The following ANAPC10 variants were observed in gnomAD, a reference collection of about 807,000 sequenced individuals.
ANAPC10 encodes anaphase-promoting complex subunit 10.
Under a neutral mutation model 22.0 loss-of-function variants are expected in ANAPC10, and 12 were observed. The observed-to-expected ratio is 0.55, with a 90% CI of 0.35 to 0.88. ANAPC10 has a LOEUF of 0.88. Ranked by LOEUF, ANAPC10 falls within the 40% of genes least tolerant of loss-of-function variation. The pLI is 0.01. For synonymous variants in ANAPC10, 65 were observed against 69.5 expected (o/e 0.94, Z 0.32); for missense variants, 188 against 220.9 (o/e 0.85, Z 0.94).
intron 3 of ANAPC10, among the ~76,000 whole-genome samples, chr4:145,065,394 T>C (rs1560900618): frequency 6.6e-6 from 1 of 152,060 alleles, no homozygotes; most frequent in Non-Finnish European, 1.5e-5. Context: ...TTTATCATCA[T>C]ATTGGAAAAT....
intron 2 of ANAPC10, among the ~76,000 whole-genome samples, chr4:145,084,765 T>A (rs1746617008): frequency 6.6e-6 from 1 of 152,128 alleles, no homozygotes; most frequent in Non-Finnish European, 1.5e-5. Flanking sequence ...ATATAGCAAG[T>A]CCAAATTGAG....
At chr4:145,034,543 A>ATATATG (rs4029448) in intron 4 of ANAPC10, among the ~76,000 whole-genome samples, 1 of 133,848 alleles carries the variant, frequency 7.5e-6, no homozygotes, top group Non-Finnish European at 1.5e-5. Context: ...ATATATATAT[A>ATATATG]TGTGTGTGTG....
intron 4 of ANAPC10, among the ~76,000 whole-genome samples, chr4:144,996,599 C>A (rs893053278): frequency 1.3e-5 from 2 of 152,106 alleles, no homozygotes; most frequent in Non-Finnish European, 2.9e-5. Context: ...CATCAAAGAC[C>A]GAAGGTAGAT....
intron 4 of ANAPC10, among the ~76,000 whole-genome samples, chr4:145,006,486 C>G (rs987580738): frequency 2.0e-5 from 3 of 152,060 alleles, no homozygotes; most frequent in African/African-American, 7.2e-5. Flanking sequence ...GAAAGAACAT[C>G]AGACCAGATG....
At position 145,097,492 on chromosome 4, in the gene ANAPC10, T is replaced by C. The variant is rs564709537; in HGVS notation, c.-13+628A>G. ...TCAAAATAGGTGCAATAGTTCTGCA[T>C]ACCGTTTCCTTGACACCTCCCATTG... is the stretch of plus-strand genomic sequence containing the variant. On this transcript the variant is annotated intron_variant, in intron 1 of 4. Coordinates refer to ENST00000507656, the MANE Select transcript of ANAPC10 (RefSeq NM_001256706.2). 7.1e-5 allele frequency: 91 copies of C among 1,287,248 alleles called. No individual in the cohort carries two copies. The Middle Eastern group carries it at 9.8e-4, about 14-fold the overall frequency. The allele number at this position is 1,287,248 out of a possible 1,614,324, so 79.7% of individuals were successfully genotyped here. A position where few individuals can be genotyped will look rare whatever the true frequency, so the allele number is the denominator to read the frequency against.
At chr4:145,008,112 T>C (rs1356374132) in intron 4 of ANAPC10, among the ~76,000 whole-genome samples, 4 of 152,136 alleles carry the variant, frequency 2.6e-5, no homozygotes, top group African/African-American at 7.2e-5. Flanking sequence ...CCTGGACACA[T>C]ACACCCTCCC....
chr4:145,090,959 G>A (rs191667386), intron 2 of ANAPC10, among the ~76,000 whole-genome samples: 11 of 152,254 alleles, frequency 7.2e-5, no homozygotes, highest in African/African-American at 2.4e-4. Context: ...TCTGACCCTA[G>A]AGAAGCAAAG....
chr4:145,057,078 G>A (rs1026311762), intron 4 of ANAPC10, among the ~76,000 whole-genome samples: 10 of 152,222 alleles, frequency 6.6e-5, no homozygotes, highest in East Asian at 5.8e-4. Context: ...GTTTAAGTAC[G>A]CATTAGCAGT....
intron 3 of ANAPC10, among the ~76,000 whole-genome samples, chr4:145,066,871 C>T (rs1389930763): frequency 6.6e-6 from 1 of 151,932 alleles, no homozygotes; most frequent in African/African-American, 2.4e-5. Context: ...GTCTGTCGAC[C>T]TCACATGATT....
chr4:145,018,853 G>A (rs765066363), intron 4 of ANAPC10, among the ~76,000 whole-genome samples: 3 of 152,016 alleles, frequency 2.0e-5, no homozygotes, highest in Non-Finnish European at 4.4e-5. Context: ...AAGACAAAGA[G>A]GGACATTAAA....
intron 4 of ANAPC10, among the ~76,000 whole-genome samples, chr4:145,029,350 C>A (rs935928827): frequency 7.9e-5 from 12 of 152,148 alleles, no homozygotes; most frequent in Non-Finnish European, 2.9e-5. Flanking sequence ...TCCTCAGGAG[C>A]CACCCCCGAC....
intron 1 of ANAPC10, chr4:145,097,807 T>A (rs1002822589): frequency 5.9e-6 from 2 of 340,710 alleles, no homozygotes; most frequent in African/African-American, 4.3e-5. Flanking sequence ...AGAATTCAAC[T>A]GCCGGACTTG....
At chr4:145,080,113 CAAAAAAAAAAAAAA>C (rs70956824) in intron 3 of ANAPC10, among the ~76,000 whole-genome samples, 6 of 26,790 alleles carry the variant, frequency 2.2e-4, no homozygotes, top group Non-Finnish European at 3.8e-4. Context: ...GACTCTGTCT[CAAAAAAAAAAAAAA>C]AAAAAAAAAA....
chr4:145,095,892 C>T, intron 2 of ANAPC10, 93 bp downstream of exon 2: 1 of 1,555,104 alleles, frequency 6.4e-7, no homozygotes, highest in South Asian at 1.1e-5. Context: ...CACTGGGAGT[C>T]CTGGAATGTA....
At chr4:145,044,139 C>T (rs1021372788) in intron 4 of ANAPC10, among the ~76,000 whole-genome samples, 3 of 152,072 alleles carry the variant, frequency 2.0e-5, no homozygotes, top group Non-Finnish European at 2.9e-5. Context: ...GGAGATAATG[C>T]TGCCCTTGAC....
chr4:145,049,479 A>G (rs1170050815), intron 4 of ANAPC10, among the ~76,000 whole-genome samples: 1 of 152,212 alleles, frequency 6.6e-6, no homozygotes, highest in Non-Finnish European at 1.5e-5. Flanking sequence ...GCACCTTCAC[A>G]CACTAAAAAC....
At chr4:145,049,522 T>A (rs1018881513) in intron 4 of ANAPC10, among the ~76,000 whole-genome samples, 16 of 152,226 alleles carry the variant, frequency 1.1e-4, no homozygotes, top group African/African-American at 3.9e-4. Flanking sequence ...GAAGCAACTC[T>A]TCACCTGTTC....
chr4:144,999,658 C>T (rs1732201016), intron 4 of ANAPC10, among the ~76,000 whole-genome samples: 1 of 152,186 alleles, frequency 6.6e-6, no homozygotes, highest in African/African-American at 2.4e-5. Context: ...ATGCTATCCT[C>T]ATCAAGCTAC....
chr4:145,031,069 C>T (rs749856017), intron 4 of ANAPC10, among the ~76,000 whole-genome samples: 2 of 152,186 alleles, frequency 1.3e-5, no homozygotes, highest in Non-Finnish European at 2.9e-5. Context: ...CCTTTTTCTC[C>T]ATTCCTGTCC....
Sources: gnomAD v4.1 joint callset for allele counts (sites outside exome capture counted in the v4.1 genomes callset) on GRCh38, gnomAD v4.1.1 for gene constraint, MANE v1.5 for transcripts, NCBI Gene and HGNC (gene_info 2026-07-23, HGNC 2026-07-21) for gene names.